The following TENM3 variants were observed in gnomAD, a reference collection of about 807,000 sequenced individuals.
TENM3 encodes teneurin-3.
Under a neutral mutation model 255.1 loss-of-function variants are expected in TENM3, and 63 were observed. That is an observed-to-expected ratio of 0.25 (90% CI 0.20 to 0.30). The LOEUF (loss-of-function observed/expected upper bound fraction) is 0.30. Among genes scored for constraint, TENM3 ranks in the 10% least tolerant of loss-of-function variants. TENM3 has a pLI of 1.00. For synonymous variants in TENM3, 1,306 were observed against 1,322.3 expected, an observed-to-expected ratio of 0.99 and a Z score of 0.27; for missense variants, 2,929 against 3,461.1, an observed-to-expected ratio of 0.85 and a Z score of 3.86.
At chr4:182,649,132 A>G (rs1753028659) in intron 5 of TENM3, among the ~76,000 whole-genome samples, 1 of 151,012 alleles carries the variant, frequency 6.6e-6, no homozygotes, top group Non-Finnish European at 1.5e-5. Flanking sequence ...CTTCACCACC[A>G]TTTCTGAGAT....
chr4:182,121,202 T>G, the TENM3 span, among the ~76,000 whole-genome samples: 1 of 151,952 alleles, frequency 6.6e-6, no homozygotes, highest in African/African-American at 2.4e-5. Context: ...TTCACCATGT[T>G]GGCCAGGCTG....
At chr4:181,725,903 G>A in the TENM3 span, among the ~76,000 whole-genome samples, 7 of 152,070 alleles carry the variant, frequency 4.6e-5, no homozygotes, top group Admixed American at 3.3e-4. Flanking sequence ...ACACTTTAGG[G>A]AAAAGCTTAA....
At chr4:182,067,469 A>T in the TENM3 span, among the ~76,000 whole-genome samples, 1 of 152,200 alleles carries the variant, frequency 6.6e-6, no homozygotes, top group Non-Finnish European at 1.5e-5. Flanking sequence ...AGGCCAAAAT[A>T]AAAAGGTAAT....
the TENM3 span, among the ~76,000 whole-genome samples, chr4:182,119,575 T>C: frequency 1.3e-5 from 2 of 152,184 alleles, no homozygotes; most frequent in African/African-American, 4.8e-5. Flanking sequence ...GCTTTCCCTG[T>C]GACCTCCCTT....
the TENM3 span, among the ~76,000 whole-genome samples, chr4:181,459,718 T>C: frequency 6.6e-6 from 1 of 151,910 alleles, no homozygotes; most frequent in South Asian, 2.1e-4. Context: ...CACATCACCA[T>C]AGTTTTATAG....
chr4:182,209,116 C>T (rs1021274082), intron 1 of TENM3, among the ~76,000 whole-genome samples: 4 of 151,982 alleles, frequency 2.6e-5, no homozygotes, highest in East Asian at 1.9e-4. Flanking sequence ...TACAGGTGCG[C>T]GGCACCATGC....
chr4:181,475,737 A>G, the TENM3 span, among the ~76,000 whole-genome samples: 1 of 152,208 alleles, frequency 6.6e-6, no homozygotes, highest in South Asian at 2.1e-4. Flanking sequence ...AGGTATGATG[A>G]AGATTAACTT....
At chr4:181,508,298 A>C in the TENM3 span, among the ~76,000 whole-genome samples, 1 of 152,236 alleles carries the variant, frequency 6.6e-6, no homozygotes, top group Non-Finnish European at 1.5e-5. Context: ...CTTTTCAGAC[A>C]GCAGGGGTCC....
intron 22 of TENM3, among the ~76,000 whole-genome samples, chr4:182,768,675 A>C (rs1035437677): frequency 3.3e-5 from 5 of 152,202 alleles, no homozygotes; most frequent in Non-Finnish European, 7.3e-5. Context: ...ATTTGTCGAT[A>C]ATCCCACTAC....
chr4:181,746,228 A>G, the TENM3 span, among the ~76,000 whole-genome samples: 1 of 152,182 alleles, frequency 6.6e-6, no homozygotes, highest in Non-Finnish European at 1.5e-5. Flanking sequence ...TTTGTAATGA[A>G]CAAATCTAGA....
At chr4:182,367,191 C>A (rs6833652) in intron 3 of TENM3, among the ~76,000 whole-genome samples, 13 of 152,160 alleles carry the variant, frequency 8.5e-5, no homozygotes, top group African/African-American at 2.9e-4. Context: ...TGTAGCAGGA[C>A]AGCAGTACGT....
chr4:182,178,048 A>C (rs1418253807), intron 1 of TENM3, among the ~76,000 whole-genome samples: 3 of 148,842 alleles, frequency 2.0e-5, no homozygotes, highest in Admixed American at 6.8e-5. Flanking sequence ...GCATCTTCCT[A>C]ATAGATTATC....
the TENM3 span, among the ~76,000 whole-genome samples, chr4:181,896,781 C>T: frequency 3.3e-5 from 5 of 152,288 alleles, no homozygotes; most frequent in South Asian, 4.1e-4. Flanking sequence ...ACCAGGCCCT[C>T]GGCCAGCCTC....
chr4:182,202,542 T>G (rs1754255601), intron 1 of TENM3, among the ~76,000 whole-genome samples: 1 of 152,050 alleles, frequency 6.6e-6, no homozygotes, highest in Non-Finnish European at 1.5e-5. Context: ...TGACCTCAGG[T>G]CATCCACCTG....
chr4:181,467,097 G>GTATATATATATA, the TENM3 span, among the ~76,000 whole-genome samples: 1 of 73,118 alleles, frequency 1.4e-5, no homozygotes, highest in East Asian at 2.7e-4. Flanking sequence ...GTGTGTGTGT[G>GTATATATATATA]TGTGTGTATA....
the TENM3 span, among the ~76,000 whole-genome samples, chr4:181,818,611 C>T: frequency 3.5e-5 from 5 of 141,582 alleles, no homozygotes; most frequent in East Asian, 1.0e-3. Context: ...CAGTAAATCT[C>T]TTTTTTTTTT....
chr4:182,030,147 CA>C, the TENM3 span, among the ~76,000 whole-genome samples: 4 of 151,732 alleles, frequency 2.6e-5, no homozygotes. Flanking sequence ...AAACGTGTGC[CA>C]CAGTGGTTTC....
intron 3 of TENM3, among the ~76,000 whole-genome samples, chr4:182,409,027 A>G (rs1769782391): frequency 6.6e-6 from 1 of 152,242 alleles, no homozygotes; most frequent in Non-Finnish European, 1.5e-5. Context: ...TCAGATAACT[A>G]AAAATTGCTC....
At chr4:181,714,729 A>G in the TENM3 span, among the ~76,000 whole-genome samples, 1 of 152,166 alleles carries the variant, frequency 6.6e-6, no homozygotes. Flanking sequence ...TGAAAATTTA[A>G]ATATTTATAA....
Sources: gnomAD v4.1 joint callset for allele counts (sites outside exome capture counted in the v4.1 genomes callset) on GRCh38, gnomAD v4.1.1 for gene constraint, MANE v1.5 for transcripts, NCBI Gene and HGNC (gene_info 2026-07-23, HGNC 2026-07-21) for gene names.